Variants in PCDHA5 observed in about 807,000 individuals in gnomAD.
The protein encoded by PCDHA5 is protocadherin alpha 5, also known as protocadherin alpha-5.
In PCDHA5, 43 loss-of-function variants were observed where a neutral mutation model predicts 61.6. The ratio of observed to expected loss-of-function variants is 0.70; its 90% CI spans 0.55 to 0.90. PCDHA5 has a LOEUF of 0.90. PCDHA5 is among the 40% of genes least tolerant of loss of function. The pLI, the probability that PCDHA5 is intolerant of heterozygous loss-of-function variation, is 0.00. For missense variants in PCDHA5, 1,298 were observed against 1,222.7 expected, an observed-to-expected ratio of 1.06 and a Z score of -0.92; for synonymous variants, 627 against 543.9, an observed-to-expected ratio of 1.15 and a Z score of -2.13.
rs1164371267 is a variant in PCDHA5, at chr5:140,823,517, C to G, written c.1742C>G (p.Pro581Arg). The G allele has an allele frequency of 8.7e-6, 14 of 1,613,476 alleles. No individual in the cohort carries two copies. The highest frequency in any genetic ancestry group is 1.1e-5 in the South Asian group (1 of 91,048). The change falls in exon 1 of 4, where the codon CCG becomes CGG. Residue 581 changes from proline (P) to arginine (R), a missense_variant. Physicochemically the swap from Pro to Arg is moderately radical, Grantham distance 103. Coordinates refer to ENST00000529859, the MANE Select transcript of PCDHA5 (RefSeq NM_018908.3). ...GTGGAVSELV[P>R]RSVGAGHVVA... is the part of the protein sequence containing the mutation. ...GGCGGCGCAGTGAGCGAGCTGGTGCCGAGGTCAGTGGGTGCGGGCCACGTG... is the reference window on the plus strand; with the variant it reads ...GGCGGCGCAGTGAGCGAGCTGGTGCGGAGGTCAGTGGGTGCGGGCCACGTG...
At chr5:140,933,731 A>G (rs1210438420) in intron 1 of PCDHA5, among the ~76,000 whole-genome samples, 2 of 151,958 alleles carry the variant, frequency 1.3e-5, no homozygotes, top group East Asian at 1.9e-4. Context: ...CAGCTTTCTT[A>G]AATATTTGGT....
chr5:140,856,705 T>C lies in PCDHA5; in HGVS notation c.2352+32578T>C, dbSNP rs1180012715. 2.5e-6 allele frequency: 4 copies of C among 1,596,614 alleles called. No homozygotes were observed. The African/African-American group carries it at 5.4e-5, about 22-fold the overall frequency. ...TGACAGCAACTGATGGAGGCAAACC[T>C]GAATTTACCGGATCTGTTTCTCTGC... On this transcript the variant is annotated intron_variant, in intron 1 of 3. Transcript: ENST00000529859.
intron 1 of PCDHA5, chr5:140,847,563 C>T (rs1288728812): frequency 1.3e-5 from 2 of 148,928 alleles, no homozygotes; most frequent in African/African-American, 2.5e-5. Context: ...GAAATTGCCC[C>T]GAGTACTAAG....
chr5:140,929,541 G>A, intron 1 of PCDHA5: 6 of 542,944 alleles, frequency 1.1e-5, no homozygotes, highest in Non-Finnish European at 1.8e-5. Context: ...AGAAACAAGG[G>A]CAAAAATTAA....
In PCDHA5 at chr5:140,823,594, T is replaced by C. The variant is rs1562273356; in HGVS notation, c.1819T>C (p.Ser607Pro). ...DPDSGYNAWL[S>P]YELQPAPGSA... ...TGATTCGGGCTACAACGCTTGGCTT[T>C]CGTATGAGCTGCAGCCAGCGCCTGG... The change falls in exon 1 of 4, where the codon TCG becomes CCG. Residue 607 changes from serine to proline, a missense_variant. By Grantham distance (74) the Ser-to-Pro change is moderately conservative. Coordinates refer to ENST00000529859, the MANE Select transcript of PCDHA5 (RefSeq NM_018908.3). 6.2e-7 allele frequency: 1 copy of C among 1,613,998 alleles called. No homozygotes were observed. Among genetic ancestry groups the C allele is most frequent in the Non-Finnish European group, 8.5e-7 (1 of 1,179,924 alleles).
chr5:140,899,833 G>T (rs2067579431), intron 1 of PCDHA5, among the ~76,000 whole-genome samples: 1 of 152,094 alleles, frequency 6.6e-6, no homozygotes, highest in African/African-American at 2.4e-5. Flanking sequence ...TTTTGAGACA[G>T]GTCTTGCTGT....
rs1436841742 is a variant in PCDHA5, at chr5:140,852,718, G to A, written c.2352+28591G>A. 4.1e-6 allele frequency: 4 copies of A among 981,606 alleles called. 1 individual carries two copies. The highest frequency in any genetic ancestry group is 4.9e-6 in the Non-Finnish European group (4 of 814,578). 60.8% of individuals were successfully genotyped at this position (981,606 alleles called of 1,614,324 possible). ...CTTTCAAGTATCTTTGTCTTTGCAC[G>A]TTTTTCAAGTTTCATGTGCCATTTA... is the stretch of plus-strand genomic sequence containing the variant. On this transcript the variant is annotated intron_variant, in intron 1 of 3. Coordinates refer to ENST00000529859, the MANE Select transcript of PCDHA5 (RefSeq NM_018908.3).
intron 1 of PCDHA5, among the ~76,000 whole-genome samples, chr5:140,965,010 C>T (rs1160052537): frequency 5.9e-5 from 9 of 152,154 alleles, no homozygotes; most frequent in Admixed American, 3.9e-4. Flanking sequence ...GTGTCAGGAT[C>T]ACAACCTTGG....
chr5:140,905,643 A>G (rs532700036), intron 1 of PCDHA5, among the ~76,000 whole-genome samples: 1 of 152,306 alleles, frequency 6.6e-6, no homozygotes, highest in Non-Finnish European at 1.5e-5. Context: ...TCAGTTTCAC[A>G]GTATTGATTC....
At chr5:140,964,378 T>A (rs182628269) in intron 1 of PCDHA5, among the ~76,000 whole-genome samples, 1 of 151,270 alleles carries the variant, frequency 6.6e-6, no homozygotes, top group Non-Finnish European at 1.5e-5. Context: ...GAAAGGAGAG[T>A]CCTGGTTTTT....
rs915171063 is a variant in PCDHA5 at position 140,977,108 on chromosome 5, T to C, written c.2353-1841T>C. On this transcript the variant is annotated intron_variant, in intron 1 of 3. Transcript: ENST00000529859. ...AAATGTGTCATTGGGGAAGTGAGAT[T>C]GTATAATGAACTGAGTTTCCTGGTC... 6.6e-5 allele frequency among the ~76,000 whole-genome samples: 10 copies of C among 152,302 alleles called. No homozygotes were observed. The East Asian group carries it at 1.9e-3, about 29-fold the overall frequency.
At position 140,883,299 on chromosome 5, in the gene PCDHA5, A is replaced by G. The variant is rs200799645; in HGVS notation, c.2352+59172A>G. 1.4e-5 allele frequency: 22 copies of G among 1,614,110 alleles called. No homozygotes were observed. In the African/African-American group the frequency reaches 2.9e-4, roughly 22 times the overall value. On this transcript the variant is annotated intron_variant, in intron 1 of 3. Coordinates refer to ENST00000529859, the MANE Select transcript of PCDHA5 (RefSeq NM_018908.3). ...CTTTTGGTGGAAGTACTAGATGTAA[A>G]TGATAACGCCCCAGAGGTTACCATC...
intron 1 of PCDHA5, chr5:140,881,265 T>C (rs1352186503): frequency 1.7e-6 from 1 of 600,348 alleles, no homozygotes; most frequent in Non-Finnish European, 2.1e-6. Context: ...TACTCAGTGA[T>C]GATGAAGTAA....
Position 140,821,658 on chromosome 5 carries a change from G to A in PCDHA5, c.-118G>A. 1 of 1,163,106 alleles carries A rather than the reference G, an allele frequency of 8.6e-7. No homozygotes were observed. Among genetic ancestry groups the A allele is most frequent in the Non-Finnish European group, 1.2e-6 (1 of 828,648 alleles). 72.0% of individuals were successfully genotyped at this position (1,163,106 alleles called of 1,614,324 possible). ...GGAAAAGAACCTTCCATTTTTGGCT[G>A]TGCCAAGAAGCTCAGAAAGGCGATA... is the stretch of plus-strand genomic sequence containing the variant. On this transcript the variant is annotated 5_prime_UTR_variant, in exon 1 of 4. It adds an upstream start codon to the 5' untranslated region. Transcript: ENST00000529859.
intron 3 of PCDHA5, among the ~76,000 whole-genome samples, chr5:140,989,709 C>T (rs2097355670): frequency 6.6e-6 from 1 of 152,160 alleles, no homozygotes; most frequent in South Asian, 2.1e-4. Flanking sequence ...TCTTCAGAGG[C>T]AGTCAGCTTT....
At chr5:140,978,597 A>G (rs897045455) in intron 1 of PCDHA5, among the ~76,000 whole-genome samples, 1 of 152,234 alleles carries the variant, frequency 6.6e-6, no homozygotes, top group Non-Finnish European at 1.5e-5. Flanking sequence ...TTAATGGGGC[A>G]CTTGAGGGCA....
At chr5:140,871,198 C>T (rs540384431) in intron 1 of PCDHA5, 3 of 1,613,730 alleles carry the variant, frequency 1.9e-6, no homozygotes, top group African/African-American at 1.3e-5. Context: ...CAACGTGTAC[C>T]TGATCATCGC....
intron 1 of PCDHA5, chr5:140,851,957 G>A: frequency 1.0e-6 from 1 of 975,112 alleles, no homozygotes; most frequent in Non-Finnish European, 1.2e-6. Flanking sequence ...TCAAAATGGT[G>A]GTTTTCCACA....
chr5:140,850,318 C>T lies in PCDHA5; in HGVS notation c.2352+26191C>T, dbSNP rs1306863704. On this transcript the variant is annotated intron_variant, in intron 1 of 3. Transcript: ENST00000529859. ...GACTCGGGCTACAACGCGTGGCTTT[C>T]ATACGAGCTGCAGCCAGAAACGGCC... The T allele has an allele frequency of 4.4e-6, 7 of 1,597,384 alleles. 1 individual carries two copies. In the African/African-American group the frequency reaches 5.4e-5, roughly 12 times the overall value.
Sources: gnomAD v4.1 joint callset for allele counts (sites outside exome capture counted in the v4.1 genomes callset) on GRCh38, gnomAD v4.1.1 for gene constraint, MANE v1.5 for transcripts, NCBI Gene and HGNC (gene_info 2026-07-23, HGNC 2026-07-21) for gene names.